The following PTPRD variants were observed in gnomAD, a reference collection of about 807,000 sequenced individuals.
PTPRD encodes the protein receptor-type tyrosine-protein phosphatase delta.
A neutral mutation model predicts 214.5 loss-of-function variants in PTPRD; 34 were observed. The observed-to-expected ratio is 0.16, with a 90% confidence interval of 0.12 to 0.21. The LOEUF is 0.21. Ranked by LOEUF, PTPRD falls within the 10% of genes least tolerant of loss-of-function variation. The pLI is 1.00. For missense variants in PTPRD, 2,545 were observed against 2,398.7 expected (o/e 1.06, Z -1.27); for synonymous variants, 1,128 against 845.7 (o/e 1.33, Z -5.79).
chr9:8,702,210 A>T (rs1303799926), intron 12 of PTPRD, among the ~76,000 whole-genome samples: 5 of 151,840 alleles, frequency 3.3e-5, no homozygotes, highest in African/African-American at 1.2e-4. Flanking sequence ...GTCTACGTTT[A>T]TATAGGACAG....
intron 2 of PTPRD, among the ~76,000 whole-genome samples, chr9:10,424,851 G>T (rs950332346): frequency 3.9e-5 from 6 of 152,052 alleles, no homozygotes; most frequent in Admixed American, 2.0e-4. Context: ...TGAATAGCAT[G>T]CTGGTTCTAC....
rs143324726 is a variant in PTPRD at position 9,690,458 on chromosome 9, C to T, written c.-287+44075G>A. Reference sequence around the variant, plus strand: ...ATCTCTTCACTTTGTTGATTGTTACCTTTACTGTGCAGAAGATGTTTAGCT... The same window carrying T: ...ATCTCTTCACTTTGTTGATTGTTACTTTTACTGTGCAGAAGATGTTTAGCT... On this transcript the variant is annotated intron_variant, in intron 7 of 45. Transcript: ENST00000381196. Among the ~76,000 whole-genome samples, 385 of 151,956 alleles carry T rather than the reference C, an allele frequency of 2.5e-3. 1 individual carries two copies. Among genetic ancestry groups the T allele is most frequent in the African/African-American group, 8.8e-3 (367 of 41,518 alleles).
chr9:9,218,816 G>A lies in PTPRD; in HGVS notation c.-202-35453C>T, dbSNP rs139473544. On this transcript the variant is annotated intron_variant, in intron 9 of 45. Coordinates refer to ENST00000381196, the MANE Select transcript of PTPRD (RefSeq NM_002839.4). Reference sequence around the variant, plus strand: ...AATGCCCGGCCCTCACAGCTGACGAGGTAAAAAACACTACCAGACAATCAC... The same window carrying A: ...AATGCCCGGCCCTCACAGCTGACGAAGTAAAAAACACTACCAGACAATCAC... Among the ~76,000 whole-genome samples, 437 of 152,174 alleles carry A rather than the reference G, an allele frequency of 2.9e-3. 2 individuals carry two copies. The highest frequency in any genetic ancestry group is 4.4e-3 in the Non-Finnish European group (300 of 67,994).
At chr9:10,135,389 A>C (rs922599048) in intron 3 of PTPRD, among the ~76,000 whole-genome samples, 1 of 152,090 alleles carries the variant, frequency 6.6e-6, no homozygotes, top group East Asian at 1.9e-4. Context: ...CCCCCATGAG[A>C]CACTATATAA....
intron 2 of PTPRD, among the ~76,000 whole-genome samples, chr9:10,503,217 A>AAAAAAC (rs1406888502): frequency 6.7e-6 from 1 of 148,716 alleles, no homozygotes; most frequent in Admixed American, 6.7e-5. Context: ...ACAAAAAAAA[A>AAAAAAC]CACCATTTTT....
intron 7 of PTPRD, among the ~76,000 whole-genome samples, chr9:9,680,904 C>T (rs1181766672): frequency 6.6e-6 from 1 of 151,746 alleles, no homozygotes; most frequent in Non-Finnish European, 1.5e-5. Context: ...TATTGTGGTA[C>T]CCTCTCTTGT....
chr9:9,058,639 C>CG (rs1463328879), intron 10 of PTPRD, among the ~76,000 whole-genome samples: 1 of 150,368 alleles, frequency 6.7e-6, no homozygotes, highest in African/African-American at 2.4e-5. Flanking sequence ...TTAGTAGAGA[C>CG]GGGGTTTCAC....
intron 5 of PTPRD, among the ~76,000 whole-genome samples, chr9:9,895,645 G>A (rs2074756068): frequency 6.6e-6 from 1 of 152,000 alleles, no homozygotes; most frequent in Non-Finnish European, 1.5e-5. Flanking sequence ...AGTTACACAG[G>A]AGGAATATGT....
chr9:8,345,669 T>C (rs1343046547), intron 39 of PTPRD, among the ~76,000 whole-genome samples: 1 of 152,064 alleles, frequency 6.6e-6, no homozygotes, highest in African/African-American at 2.4e-5. Context: ...AATAATTGTA[T>C]CATGATCCTG....
At chr9:9,236,634 T>A (rs1361492017) in intron 9 of PTPRD, among the ~76,000 whole-genome samples, 3 of 151,478 alleles carry the variant, frequency 2.0e-5, no homozygotes, top group Non-Finnish European at 4.4e-5. Flanking sequence ...TCATTTGAAT[T>A]ATGACTTTTG....
At chr9:9,073,266 C>T (rs1326518701) in intron 10 of PTPRD, among the ~76,000 whole-genome samples, 1 of 152,146 alleles carries the variant, frequency 6.6e-6, no homozygotes, top group Non-Finnish European at 1.5e-5. Context: ...TAGTGATTAT[C>T]AGAGTCATAA....
At chr9:10,316,068 G>T (rs2096413537) in intron 3 of PTPRD, among the ~76,000 whole-genome samples, 1 of 149,586 alleles carries the variant, frequency 6.7e-6, no homozygotes, top group Non-Finnish European at 1.5e-5. Context: ...TAATGGTGTT[G>T]TAATATATAT....
At chr9:10,559,467 A>G (rs1157372770) in intron 2 of PTPRD, among the ~76,000 whole-genome samples, 2 of 152,174 alleles carry the variant, frequency 1.3e-5, no homozygotes, top group African/African-American at 4.8e-5. Flanking sequence ...TGTTTTAGAA[A>G]TAATCTCTCA....
chr9:9,836,857 A>G (rs1313515409), intron 5 of PTPRD, among the ~76,000 whole-genome samples: 1 of 152,158 alleles, frequency 6.6e-6, no homozygotes, highest in Non-Finnish European at 1.5e-5. Flanking sequence ...GTAATGGTTC[A>G]ATAAATAGAA....
At chr9:10,354,982 G>GCTAAA (rs1186739094) in intron 2 of PTPRD, among the ~76,000 whole-genome samples, 14 of 152,244 alleles carry the variant, frequency 9.2e-5, no homozygotes, top group African/African-American at 3.4e-4. Flanking sequence ...CTAAATAGAT[G>GCTAAA]TATACTTCCT....
At chr9:9,190,415 C>T (rs941772383) in intron 9 of PTPRD, among the ~76,000 whole-genome samples, 1 of 151,974 alleles carries the variant, frequency 6.6e-6, no homozygotes, top group Non-Finnish European at 1.5e-5. Context: ...GTGGGTTTAT[C>T]AGGGGTTTCT....
intron 35 of PTPRD, among the ~76,000 whole-genome samples, chr9:8,427,641 T>A (rs1490421536): frequency 1.3e-5 from 2 of 152,122 alleles, no homozygotes; most frequent in Non-Finnish European, 2.9e-5. Context: ...CAAGTTTCCA[T>A]TTCTTTCAGT....
intron 3 of PTPRD, among the ~76,000 whole-genome samples, chr9:10,115,103 G>C (rs1032271987): frequency 4.6e-5 from 7 of 151,708 alleles, no homozygotes; most frequent in Non-Finnish European, 1.0e-4. Context: ...CAAGGTTTAG[G>C]TCAATGCCTA....
intron 2 of PTPRD, among the ~76,000 whole-genome samples, chr9:10,488,400 A>G (rs1404777782): frequency 6.7e-6 from 1 of 148,270 alleles, no homozygotes; most frequent in Non-Finnish European, 1.5e-5. Flanking sequence ...CTGCCAGGTC[A>G]CACCTGAAGC....
Sources: gnomAD v4.1 joint callset for allele counts (sites outside exome capture counted in the v4.1 genomes callset) on GRCh38, gnomAD v4.1.1 for gene constraint, MANE v1.5 for transcripts, NCBI Gene and HGNC (gene_info 2026-07-23, HGNC 2026-07-21) for gene names.